TBC1D8: variants seen among roughly 807,000 people sequenced by gnomAD.
The protein encoded by TBC1D8 is TBC1 domain family member 8.
A neutral mutation model predicts 118.8 loss-of-function variants in TBC1D8; 65 were observed. That is an observed-to-expected ratio of 0.55 (90% CI 0.45 to 0.67). TBC1D8 has a LOEUF of 0.67. TBC1D8 is among the 30% of genes least tolerant of loss of function. The pLI, the probability that TBC1D8 is intolerant of heterozygous loss-of-function variation, is 0.00. For missense variants in TBC1D8, 1,376 were observed against 1,471.2 expected (o/e 0.94, Z 1.06); for synonymous variants, 566 against 595.8 (o/e 0.95, Z 0.73).
chr2:101,115,742 C>G (rs952176219), intron 1 of TBC1D8, among the ~76,000 whole-genome samples: 1 of 151,826 alleles, frequency 6.6e-6, no homozygotes, highest in Non-Finnish European at 1.5e-5. Flanking sequence ...CAAAGCAAGA[C>G]CTTGTTTCAA....
At chr2:101,094,346 G>GTTAA (rs1402681474) in intron 1 of TBC1D8, among the ~76,000 whole-genome samples, 1 of 152,140 alleles carries the variant, frequency 6.6e-6, no homozygotes, top group Non-Finnish European at 1.5e-5. Context: ...TGGGGACAGG[G>GTTAA]TTAAAGCTGC....
At chr2:101,046,586 G>A (rs1400657873) in intron 5 of TBC1D8, among the ~76,000 whole-genome samples, 1 of 152,102 alleles carries the variant, frequency 6.6e-6, no homozygotes, top group Non-Finnish European at 1.5e-5. Flanking sequence ...AGGCAGAGGA[G>A]GACTCGAGCT....
chr2:101,046,870 T>C (rs1365006733), intron 5 of TBC1D8, among the ~76,000 whole-genome samples: 2 of 152,170 alleles, frequency 1.3e-5, no homozygotes, highest in Non-Finnish European at 2.9e-5. Context: ...TTCCATTTAC[T>C]ACACCGCTTT....
chr2:101,128,360 C>CTGGG (rs1678440276), intron 1 of TBC1D8, among the ~76,000 whole-genome samples: 1 of 152,186 alleles, frequency 6.6e-6, no homozygotes, highest in Non-Finnish European at 1.5e-5. Flanking sequence ...TTCAATTCTC[C>CTGGG]ACTCAAGCTT....
chr2:101,105,026 A>G (rs1362388055), intron 1 of TBC1D8, among the ~76,000 whole-genome samples: 5 of 25,022 alleles, frequency 2.0e-4, no homozygotes, highest in African/African-American at 5.3e-4. Flanking sequence ...ACTCTATCTC[A>G]AAAAAAAAAA....
At chr2:101,011,328 G>T in intron 18 of TBC1D8, 123 bp downstream of exon 18, 1 of 1,038,838 alleles carries the variant, frequency 9.6e-7, no homozygotes, top group Non-Finnish European at 1.5e-6. Context: ...TGAGTTTGGG[G>T]ATAATTCATT....
intron 1 of TBC1D8, among the ~76,000 whole-genome samples, chr2:101,143,000 C>T (rs143454123): frequency 3.3e-5 from 5 of 151,924 alleles, no homozygotes; most frequent in Admixed American, 2.6e-4. Context: ...AAATGCAGTA[C>T]CTTTTCATAA....
chr2:101,026,947 A>G (rs1680372880), intron 15 of TBC1D8, among the ~76,000 whole-genome samples: 1 of 152,254 alleles, frequency 6.6e-6, no homozygotes, highest in South Asian at 2.1e-4. Flanking sequence ...CATATCTGCC[A>G]CACAAATAGG....
chr2:101,065,135 T>G (rs548208540), intron 2 of TBC1D8, among the ~76,000 whole-genome samples: 1 of 152,322 alleles, frequency 6.6e-6, no homozygotes, highest in Non-Finnish European at 1.5e-5. Context: ...ACAAAGAACT[T>G]GATCCAAGCT....
At position 101,109,979 on chromosome 2, in the gene TBC1D8, C is replaced by T. The variant is rs897410919; in HGVS notation, c.128-19615G>A. On this transcript the variant is annotated intron_variant, in intron 1 of 19. Transcript: ENST00000409318. ...TCCTGCTTTCCTTTCCGCAGCAGTT[C>T]CATATGGCTTGTCTGGCGCTACAGG... is the stretch of plus-strand genomic sequence containing the variant. 8.1e-6 allele frequency: 8 copies of T among 985,322 alleles called. No individual in the cohort carries two copies. The African/African-American group carries it at 1.2e-4, about 15-fold the overall frequency. 61.0% of individuals were successfully genotyped at this position (985,322 alleles called of 1,614,324 possible). A position where few individuals can be genotyped will look rare whatever the true frequency, so the allele number is the denominator to read the frequency against.
intron 1 of TBC1D8, among the ~76,000 whole-genome samples, chr2:101,103,836 G>C (rs944145024): frequency 1.3e-5 from 2 of 151,954 alleles, no homozygotes; most frequent in Non-Finnish European, 2.9e-5. Context: ...TTCAACATCA[G>C]AGTTAATGCA....
chr2:101,060,531 A>G (rs1682698289), intron 2 of TBC1D8, among the ~76,000 whole-genome samples: 2 of 152,186 alleles, frequency 1.3e-5, no homozygotes, highest in African/African-American at 4.8e-5. Context: ...TTCAATGACA[A>G]TTTTTTTAAA....
At chr2:101,151,067 GCCC>G in intron 1 of TBC1D8, 57 bp downstream of exon 1, 6 of 977,666 alleles carry the variant, frequency 6.1e-6, no homozygotes, top group Non-Finnish European at 7.3e-6. Flanking sequence ...GGGGCCGCGG[GCCC>G]GGCGGGGTGC....
At position 101,007,581 on chromosome 2, in the gene TBC1D8, G is replaced by T. The variant is rs911110080; in HGVS notation, c.*240C>A. On this transcript the variant is annotated 3_prime_UTR_variant, in exon 20 of 20. Transcript: ENST00000409318. ...AGAAGTGCCCATTTCAGCAAATCCG[G>T]TAAAAATTGTAAGTTGGCATCAAGG... 2 of 508,772 alleles carry T rather than the reference G, an allele frequency of 3.9e-6. No individual in the cohort carries two copies. Among genetic ancestry groups the T allele is most frequent in the Admixed American group, 7.1e-5 (2 of 28,218 alleles). 31.5% of individuals were successfully genotyped at this position (508,772 alleles called of 1,614,324 possible).
intron 1 of TBC1D8, among the ~76,000 whole-genome samples, chr2:101,111,526 G>A (rs559338919): frequency 3.3e-5 from 5 of 152,286 alleles, no homozygotes; most frequent in Non-Finnish European, 5.9e-5. Flanking sequence ...GCTGGCCCTC[G>A]TTCTCAAGAA....
chr2:101,053,603 C>T (rs946457744), intron 4 of TBC1D8, among the ~76,000 whole-genome samples: 4 of 152,010 alleles, frequency 2.6e-5, no homozygotes, highest in Non-Finnish European at 5.9e-5. Flanking sequence ...CTTGGAATCC[C>T]ATTGCCTAGG....
intron 1 of TBC1D8, among the ~76,000 whole-genome samples, chr2:101,139,697 A>T (rs1679016347): frequency 6.6e-6 from 1 of 152,000 alleles, no homozygotes; most frequent in South Asian, 2.1e-4. Flanking sequence ...ACCTTTGCAC[A>T]TGCCATTTCC....
intron 1 of TBC1D8, among the ~76,000 whole-genome samples, chr2:101,141,100 T>C (rs914731884): frequency 6.6e-5 from 10 of 152,058 alleles, no homozygotes; most frequent in African/African-American, 2.4e-4. Context: ...AGCTGTCAAC[T>C]TTCAGAAGTG....
chr2:101,071,806 TAA>T (rs1345225496), intron 2 of TBC1D8, among the ~76,000 whole-genome samples: 4 of 152,228 alleles, frequency 2.6e-5, no homozygotes, highest in African/African-American at 9.6e-5. Context: ...GTGTGAAATT[TAA>T]AAGTGTTTTT....
Sources: gnomAD v4.1 joint callset for allele counts (sites outside exome capture counted in the v4.1 genomes callset) on GRCh38, gnomAD v4.1.1 for gene constraint, MANE v1.5 for transcripts, NCBI Gene and HGNC (gene_info 2026-07-23, HGNC 2026-07-21) for gene names.